Variants in ZFPM2 observed in about 807,000 individuals in gnomAD.
ZFPM2 encodes zinc finger protein ZFPM2.
ZFPM2 carries 20 observed loss-of-function variants against 98.6 expected under a neutral mutation model. That is an observed-to-expected ratio of 0.20 (90% CI 0.14 to 0.29). The LOEUF is 0.29. Among genes scored for constraint, ZFPM2 ranks in the 10% least tolerant of loss-of-function variants. ZFPM2 has a pLI of 1.00. For missense variants in ZFPM2, 1,310 were observed against 1,388.6 expected (o/e 0.94, Z 0.90); for synonymous variants, 518 against 502.7 (o/e 1.03, Z -0.41).
chr8:105,618,801 A>C (rs1816471763), intron 4 of ZFPM2, among the ~76,000 whole-genome samples: 1 of 152,160 alleles, frequency 6.6e-6, no homozygotes, highest in Non-Finnish European at 1.5e-5. Context: ...GTATAAATTC[A>C]ATCAGTCTGG....
rs769109642 is a variant in ZFPM2, at chr8:105,802,986, C to T, written c.2904C>T (p.Tyr968=). 1 of 1,612,868 alleles carries T rather than the reference C, an allele frequency of 6.2e-7. No individual in the cohort carries two copies. The highest frequency in any genetic ancestry group is 1.1e-5 in the South Asian group (1 of 90,956). The change falls in exon 8 of 8, where the codon TAC becomes TAT. Residue 968 remains tyrosine (Y), a synonymous_variant. Transcript: ENST00000407775. Reference sequence around the variant, plus strand: ...ATTTGTTTCTTCCACAATGCCTTTACCCTGGAGCAATAAAGAAAGCAAAAG... The same window carrying T: ...ATTTGTTTCTTCCACAATGCCTTTATCCTGGAGCAATAAAGAAAGCAAAAG... ...NRHLFLPQCL[Y]PGAIKKAKGA...
At chr8:105,419,378 G>A in intron 2 of ZFPM2, 76 bp downstream of exon 2, 3 of 1,510,832 alleles carry the variant, frequency 2.0e-6, no homozygotes, top group South Asian at 2.5e-5. Flanking sequence ...ATGCATAATA[G>A]TCCTCAGAGT....
chr8:105,482,187 C>T (rs553997806), intron 3 of ZFPM2, among the ~76,000 whole-genome samples: 1 of 152,278 alleles, frequency 6.6e-6, no homozygotes, highest in African/African-American at 2.4e-5. Flanking sequence ...CCATCAAGTG[C>T]ATGGAAGTCA....
chr8:105,604,564 A>G (rs913253035), intron 4 of ZFPM2, among the ~76,000 whole-genome samples: 2 of 151,998 alleles, frequency 1.3e-5, no homozygotes, highest in African/African-American at 2.4e-5. Context: ...CCCCTAGCCA[A>G]TCTCTGCCTT....
chr8:105,358,173 G>C (rs555373852), intron 1 of ZFPM2, among the ~76,000 whole-genome samples: 2 of 152,144 alleles, frequency 1.3e-5, no homozygotes, highest in East Asian at 1.9e-4. Context: ...AGATAACCTA[G>C]TGTGTCGTAA....
At chr8:105,713,333 G>A (rs1458702816) in intron 5 of ZFPM2, among the ~76,000 whole-genome samples, 1 of 152,000 alleles carries the variant, frequency 6.6e-6, no homozygotes, top group Non-Finnish European at 1.5e-5. Flanking sequence ...CTTTTGAAGA[G>A]TATTTGTTCA....
intron 1 of ZFPM2, among the ~76,000 whole-genome samples, chr8:105,370,132 C>A (rs1450082175): frequency 2.6e-5 from 4 of 152,068 alleles, no homozygotes; most frequent in Non-Finnish European, 4.4e-5. Flanking sequence ...AGAAACAACT[C>A]ATTGAAATGA....
At chr8:105,405,229 G>A (rs1412693841) in intron 1 of ZFPM2, among the ~76,000 whole-genome samples, 1 of 151,910 alleles carries the variant, frequency 6.6e-6, no homozygotes, top group Non-Finnish European at 1.5e-5. Flanking sequence ...ATGACCTCAG[G>A]GGTTTGCTGA....
intron 4 of ZFPM2, among the ~76,000 whole-genome samples, chr8:105,620,963 C>T (rs557996725): frequency 3.3e-5 from 5 of 152,164 alleles, no homozygotes; most frequent in South Asian, 4.2e-4. Context: ...AGTCAGGTAG[C>T]GTGATGCCTC....
At chr8:105,580,403 T>A (rs1160598640) in intron 4 of ZFPM2, among the ~76,000 whole-genome samples, 1 of 152,160 alleles carries the variant, frequency 6.6e-6, no homozygotes, top group Non-Finnish European at 1.5e-5. Context: ...TTGCCAGTAC[T>A]TTTTCTAGGA....
intron 4 of ZFPM2, among the ~76,000 whole-genome samples, chr8:105,584,646 A>G (rs189607247): frequency 3.3e-5 from 5 of 152,332 alleles, no homozygotes; most frequent in Admixed American, 6.5e-5. Context: ...ACAACAGAAA[A>G]TTAAGGAATT....
Position 105,803,904 on chromosome 8 carries a change from A to T in ZFPM2, c.*366A>T, listed in dbSNP as rs1223454396. 5.9e-6 allele frequency: 1 copy of T among 168,784 alleles called. No individual in the cohort carries two copies. The highest frequency in any genetic ancestry group is 1.3e-5 in the Non-Finnish European group (1 of 77,518). 10.5% of individuals were successfully genotyped at this position (168,784 alleles called of 1,614,324 possible). A position where few individuals can be genotyped will look rare whatever the true frequency, so the allele number is the denominator to read the frequency against. The stretch of plus-strand genomic sequence containing the variant: ...GTCACAATACAGAAAAGCATTTTAG[A>T]AATAGCTTCAAAAGCACTTGTGTAT... On this transcript the variant is annotated 3_prime_UTR_variant, in exon 8 of 8. Coordinates refer to ENST00000407775, the MANE Select transcript of ZFPM2 (RefSeq NM_012082.4).
At chr8:105,678,238 T>C (rs867385343) in intron 5 of ZFPM2, among the ~76,000 whole-genome samples, 1 of 152,204 alleles carries the variant, frequency 6.6e-6, no homozygotes, top group Non-Finnish European at 1.5e-5. Context: ...CTCTTTGCTT[T>C]TCCAGATTTT....
chr8:105,612,868 T>C (rs1335560242), intron 4 of ZFPM2, among the ~76,000 whole-genome samples: 1 of 152,148 alleles, frequency 6.6e-6, no homozygotes, highest in Non-Finnish European at 1.5e-5. Flanking sequence ...TAATTTTGGT[T>C]TTACTAGGGA....
intron 5 of ZFPM2, among the ~76,000 whole-genome samples, chr8:105,705,845 C>T (rs1811246079): frequency 6.6e-6 from 1 of 152,052 alleles, no homozygotes; most frequent in Admixed American, 6.6e-5. Flanking sequence ...AAAAGTCAGC[C>T]CTTTTCTACT....
chr8:105,349,003 A>G (rs1047136046), intron 1 of ZFPM2, among the ~76,000 whole-genome samples: 2 of 152,310 alleles, frequency 1.3e-5, no homozygotes, highest in Non-Finnish European at 2.9e-5. Context: ...TCAGGGATCC[A>G]TTTATCTTCT....
intron 5 of ZFPM2, among the ~76,000 whole-genome samples, chr8:105,720,497 A>G (rs1260286827): frequency 6.6e-6 from 1 of 151,912 alleles, no homozygotes; most frequent in Non-Finnish European, 1.5e-5. Context: ...AATAATCTCT[A>G]GGTTACCTTG....
chr8:105,397,766 C>A (rs1164955949), intron 1 of ZFPM2, among the ~76,000 whole-genome samples: 1 of 152,058 alleles, frequency 6.6e-6, no homozygotes, highest in Non-Finnish European at 1.5e-5. Flanking sequence ...TATATAAACA[C>A]AACAAATTGT....
At chr8:105,737,076 G>A (rs542154501) in intron 5 of ZFPM2, among the ~76,000 whole-genome samples, 1 of 151,880 alleles carries the variant, frequency 6.6e-6, no homozygotes, top group South Asian at 2.1e-4. Context: ...ATGGACCTCT[G>A]GAAGTCCATC....
Sources: allele counts gnomAD v4.1 joint callset (sites outside exome capture counted in the v4.1 genomes callset), GRCh38; gene constraint gnomAD v4.1.1; transcripts MANE v1.5; gene names NCBI Gene and HGNC (gene_info 2026-07-23, HGNC 2026-07-21).